The following KCNU1 variants were observed in gnomAD, a reference collection of about 807,000 sequenced individuals.
KCNU1 encodes the protein potassium calcium-activated channel subfamily U member 1, also known as potassium channel subfamily U member 1.
A neutral mutation model predicts 126.8 loss-of-function variants in KCNU1; 93 were observed. The observed-to-expected ratio is 0.73, with a 90% CI of 0.62 to 0.87. KCNU1 has a LOEUF of 0.87. KCNU1 is among the 40% of genes least tolerant of loss of function. The probability of loss-of-function intolerance (pLI) is 0.00; values close to 1 mark genes in which losing one functional copy is unlikely to be tolerated. For missense variants in KCNU1, 1,330 were observed against 1,367.1 expected (o/e 0.97, Z 0.43); for synonymous variants, 523 against 494.2 (o/e 1.06, Z -0.77).
At chr8:36,849,340 G>T (rs971447246) in intron 18 of KCNU1, among the ~76,000 whole-genome samples, 1 of 152,180 alleles carries the variant, frequency 6.6e-6, no homozygotes, top group Non-Finnish European at 1.5e-5. Flanking sequence ...TGTAATCCCA[G>T]CACTTTGGGA....
At chr8:36,919,561 G>C (rs1287084793) in intron 23 of KCNU1, among the ~76,000 whole-genome samples, 1 of 152,138 alleles carries the variant, frequency 6.6e-6, no homozygotes, top group Non-Finnish European at 1.5e-5. Context: ...AAGGAAGGGT[G>C]CCCAAGTGCC....
rs147786609 is a variant in KCNU1 at position 36,931,517 on chromosome 8, T to A, written c.2931+372T>A. 9.9e-4 allele frequency among the ~76,000 whole-genome samples: 151 copies of A among 152,214 alleles called. 1 individual carries two copies. The highest frequency in any genetic ancestry group is 3.5e-3 in the African/African-American group (145 of 41,542). ...ATTGAGTATTTTCTCTGTGCTTGTCTTTTTTAGTATTTTTTCCACTTAATC... is the reference window on the plus strand; with the variant it reads ...ATTGAGTATTTTCTCTGTGCTTGTCATTTTTAGTATTTTTTCCACTTAATC... On this transcript the variant is annotated intron_variant, in intron 25 of 26. Transcript: ENST00000399881.
intron 16 of KCNU1, among the ~76,000 whole-genome samples, chr8:36,845,372 C>G (rs958502394): frequency 3.3e-5 from 5 of 152,182 alleles, no homozygotes; most frequent in Admixed American, 3.3e-4. Context: ...AAGTTGTTCC[C>G]TGGCTCCCCT....
intron 24 of KCNU1, among the ~76,000 whole-genome samples, chr8:36,925,628 A>G (rs1035201457): frequency 6.6e-6 from 1 of 152,086 alleles, no homozygotes; most frequent in African/African-American, 2.4e-5. Flanking sequence ...CCAAAGAAAG[A>G]CCCAAGGATC....
chr8:36,884,705 C>T (rs971840620), intron 19 of KCNU1, among the ~76,000 whole-genome samples: 1 of 151,650 alleles, frequency 6.6e-6, no homozygotes, highest in Non-Finnish European at 1.5e-5. Context: ...CACTGGACTT[C>T]TGGGTAACAG....
At chr8:36,868,126 C>T (rs1286926960) in intron 19 of KCNU1, among the ~76,000 whole-genome samples, 2 of 152,110 alleles carry the variant, frequency 1.3e-5, no homozygotes, top group Non-Finnish European at 2.9e-5. Flanking sequence ...GAGGGTGAGT[C>T]TCTGTGATAT....
At chr8:36,891,220 G>T (rs1419311624) in intron 19 of KCNU1, among the ~76,000 whole-genome samples, 1 of 151,622 alleles carries the variant, frequency 6.6e-6, no homozygotes, top group Non-Finnish European at 1.5e-5. Context: ...ATTAGTGGTT[G>T]CCTTGGAGAT....
intron 19 of KCNU1, chr8:36,888,584 C>T (rs1806813440): frequency 3.7e-6 from 2 of 533,904 alleles, no homozygotes; most frequent in East Asian, 5.5e-5. Context: ...GCAGAAGATG[C>T]TCAGTAAGAC....
At chr8:36,812,750 A>C (rs966735922) in intron 7 of KCNU1, among the ~76,000 whole-genome samples, 1 of 152,232 alleles carries the variant, frequency 6.6e-6, no homozygotes, top group Non-Finnish European at 1.5e-5. Context: ...AGTGTGAATA[A>C]GTGGACCCAC....
chr8:36,892,745 G>T (rs1308747293), intron 19 of KCNU1, among the ~76,000 whole-genome samples: 1 of 151,974 alleles, frequency 6.6e-6, no homozygotes, highest in Non-Finnish European at 1.5e-5. Context: ...GCATGTTGAG[G>T]TAATTCCTTT....
Position 36,814,319 on chromosome 8 carries a change from T to C in KCNU1, c.845T>C (p.Val282Ala). Residue 282 changes from valine (V) to alanine (A), a missense_variant, in exon 8 of 27, where the codon GTG (valine) becomes GCG (alanine). Around this residue, in one of 3 missense-constraint regions of KCNU1, gnomAD observed 1,054 missense variants for 1,053.9 expected, o/e 1.00. Coordinates refer to ENST00000399881, the MANE Select transcript of KCNU1 (RefSeq NM_001031836.3). ...ACGTCAACCGTTGGATTTGGAGATG[T>C]GGTAGCCAAGACATCCTTAGGACGG... ...ATTSTVGFGDVVAKTSLGRTF... is the reference protein window; with the variant it reads ...ATTSTVGFGDAVAKTSLGRTF... The C allele has an allele frequency of 6.2e-7, 1 of 1,613,196 alleles. No individual in the cohort carries two copies. Among genetic ancestry groups the C allele is most frequent in the Non-Finnish European group, 8.5e-7 (1 of 1,179,420 alleles).
intron 4 of KCNU1, among the ~76,000 whole-genome samples, chr8:36,805,553 C>T (rs1803467813): frequency 6.6e-6 from 1 of 152,174 alleles, no homozygotes; most frequent in East Asian, 1.9e-4. Context: ...TCCTTACTGG[C>T]TTCCCATCTT....
At chr8:36,801,970 A>G (rs1341125386) in intron 2 of KCNU1, among the ~76,000 whole-genome samples, 1 of 151,868 alleles carries the variant, frequency 6.6e-6, no homozygotes, top group Non-Finnish European at 1.5e-5. Flanking sequence ...TTAGCCAGGT[A>G]TAGTGGCGAG....
At position 36,902,068 on chromosome 8, in the gene KCNU1, C is replaced by T. The variant is rs78287278; in HGVS notation, c.2010-3640C>T. ...GACATTTGCAAAGCATATGGCAGAA[C>T]GGAGCTTTAGTTAAGGGATGGTGAT... On this transcript the variant is annotated intron_variant, in intron 19 of 26. Transcript: ENST00000399881. 2.5e-3 allele frequency among the ~76,000 whole-genome samples: 386 copies of T among 152,142 alleles called. 3 individuals are homozygous for T. The highest frequency in any genetic ancestry group is 8.9e-3 in the African/African-American group (370 of 41,530).
chr8:36,873,110 AAAACCCC>A (rs1225377665), intron 19 of KCNU1, among the ~76,000 whole-genome samples: 1 of 152,126 alleles, frequency 6.6e-6, no homozygotes, highest in African/African-American at 2.4e-5. Context: ...AAACAAACAA[AAAACCCC>A]AACAATTTAC....
At chr8:36,787,580 T>A (rs1802753662) in intron 2 of KCNU1, among the ~76,000 whole-genome samples, 155 bp downstream of exon 2, 2 of 151,654 alleles carry the variant, frequency 1.3e-5, no homozygotes, top group Admixed American at 6.6e-5. Context: ...TCTCCTTGTG[T>A]CTACCACTCT....
At chr8:36,881,255 T>C (rs1806467050) in intron 19 of KCNU1, among the ~76,000 whole-genome samples, 1 of 152,222 alleles carries the variant, frequency 6.6e-6, no homozygotes, top group Non-Finnish European at 1.5e-5. Context: ...TGTTTGTTTT[T>C]GTTTTTGAGA....
intron 25 of KCNU1, 137 bp from the exon 26 acceptor site, chr8:36,932,783 C>T: frequency 1.6e-6 from 1 of 617,606 alleles, no homozygotes; most frequent in South Asian, 2.0e-5. Context: ...ATCGCCCTGG[C>T]AGTGCCACCA....
intron 19 of KCNU1, among the ~76,000 whole-genome samples, chr8:36,881,016 A>C (rs1806455526): frequency 6.6e-6 from 1 of 151,954 alleles, no homozygotes; most frequent in Non-Finnish European, 1.5e-5. Context: ...TAAAAGGAGC[A>C]CCCTGGAAGT....
Sources: allele counts gnomAD v4.1 joint callset (sites outside exome capture counted in the v4.1 genomes callset), GRCh38; gene constraint gnomAD v4.1.1; regional missense constraint gnomAD v4.1.1; transcripts MANE v1.5; gene names NCBI Gene and HGNC (gene_info 2026-07-23, HGNC 2026-07-21).